OSMR: variants seen among roughly 807,000 people sequenced by gnomAD.
The protein encoded by OSMR is oncostatin M receptor.
OSMR carries 81 observed loss-of-function variants against 99.9 expected under a neutral mutation model. That is an observed-to-expected ratio of 0.81 (90% CI 0.68 to 0.97). OSMR has a LOEUF of 0.97. Ranked by LOEUF, OSMR falls within the 50% of genes least tolerant of loss-of-function variation. The probability of loss-of-function intolerance (pLI) is 0.00; values close to 1 mark genes in which losing one functional copy is unlikely to be tolerated. For synonymous variants in OSMR, 406 were observed against 410.4 expected (o/e 0.99, Z 0.13); for missense variants, 1,099 against 1,153.4 (o/e 0.95, Z 0.68).
At chr5:38,885,507 A>T (rs949213722) in intron 6 of OSMR, 23 bp downstream of exon 6, 2 of 1,613,718 alleles carry the variant, frequency 1.2e-6, no homozygotes, top group Admixed American at 1.7e-5. Flanking sequence ...TGGTTACATT[A>T]TTGACAACTT....
chr5:38,862,974 C>G (rs112805057), intron 1 of OSMR, among the ~76,000 whole-genome samples: 6 of 152,092 alleles, frequency 3.9e-5, no homozygotes, highest in African/African-American at 1.4e-4. Context: ...CCAGCCCGGC[C>G]AACACAGCGA....
rs1241312373 is a variant in OSMR, at chr5:38,942,766, T to C, written c.75-1435T>C. ...TCACCACACCCAGCTATAATCTGTA[T>C]TTTAATTCAATTCAAACACAGAATT... is the stretch of plus-strand genomic sequence containing the variant. On this transcript the variant is annotated intron_variant and NMD_transcript_variant, in intron 1 of 2. Transcript: ENST00000508882. The C allele has an allele frequency of 6.8e-6, 9 of 1,325,908 alleles. No individual in the cohort carries two copies. In the Admixed American group the frequency reaches 1.4e-4, roughly 20 times the overall value. 82.1% of individuals were successfully genotyped at this position (1,325,908 alleles called of 1,614,324 possible).
chr5:38,863,478 A>G (rs893965592), intron 1 of OSMR, among the ~76,000 whole-genome samples: 2 of 152,136 alleles, frequency 1.3e-5, no homozygotes, highest in Admixed American at 6.5e-5. Flanking sequence ...CAGAGGTTGC[A>G]GTGAGCTGAG....
chr5:38,924,674 C>T, intron 14 of OSMR, 79 bp downstream of exon 14: 2 of 1,239,456 alleles, frequency 1.6e-6, no homozygotes, highest in South Asian at 2.4e-5. Flanking sequence ...TGGCTGCCAT[C>T]TCAGACTGTG....
chr5:38,920,218 G>A (rs137989439), intron 11 of OSMR, among the ~76,000 whole-genome samples: 2 of 152,062 alleles, frequency 1.3e-5, no homozygotes, highest in Non-Finnish European at 1.5e-5. Flanking sequence ...CTGGTGAGAG[G>A]CTCCAGCTAG....
intron 7 of OSMR, among the ~76,000 whole-genome samples, chr5:38,887,209 T>C (rs985262430): frequency 6.6e-6 from 1 of 152,196 alleles, no homozygotes; most frequent in East Asian, 1.9e-4. Flanking sequence ...TCACTTTCTT[T>C]TATATGTCTA....
rs1234929204 is a variant in OSMR, at chr5:38,886,197, C to T, written c.991+7C>T. 1 of 1,614,024 alleles carries T rather than the reference C, an allele frequency of 6.2e-7. No individual in the cohort carries two copies. The highest frequency in any genetic ancestry group is 2.2e-5 in the East Asian group (1 of 44,882). On this transcript the variant is annotated splice_region_variant and intron_variant, in intron 7 of 17. Transcript: ENST00000274276. ...TTTAACCTGACTCATCGAGGTGAGA[C>T]TAGAGTTGTCACAGCCCACCGTGGC...
intron 2 of OSMR, among the ~76,000 whole-genome samples, chr5:38,870,493 A>G (rs919531747): frequency 2.0e-5 from 3 of 152,024 alleles, no homozygotes; most frequent in Admixed American, 1.3e-4. Flanking sequence ...CACCACGCCC[A>G]GCTAATTTTT....
intron 3 of OSMR, among the ~76,000 whole-genome samples, chr5:38,879,768 C>T (rs1316907988): frequency 2.6e-5 from 4 of 152,010 alleles, no homozygotes; most frequent in Middle Eastern, 3.4e-3. Context: ...GGATTACAGG[C>T]ACGCACTACC....
intron 9 of OSMR, among the ~76,000 whole-genome samples, chr5:38,905,148 C>T (rs936247536): frequency 6.6e-6 from 1 of 152,070 alleles, no homozygotes; most frequent in Non-Finnish European, 1.5e-5. Flanking sequence ...CAACTTGCAC[C>T]CATAACTGAA....
intron 1 of OSMR, among the ~76,000 whole-genome samples, chr5:38,866,517 G>A (rs1349033712): frequency 3.9e-5 from 6 of 152,134 alleles, no homozygotes; most frequent in African/African-American, 9.7e-5. Flanking sequence ...TTGTTCCCCC[G>A]GGTATAGACT....
intron 7 of OSMR, among the ~76,000 whole-genome samples, chr5:38,900,535 CAGAG>C (rs1396884166): frequency 1.3e-5 from 2 of 152,074 alleles, no homozygotes; most frequent in African/African-American, 4.8e-5. Context: ...ATCTAAATAA[CAGAG>C]AGGGAGACTC....
intron 7 of OSMR, among the ~76,000 whole-genome samples, chr5:38,890,566 G>T (rs530446193): frequency 8.6e-5 from 13 of 150,946 alleles, no homozygotes; most frequent in Admixed American, 6.6e-4. Context: ...CTAGGTTGTT[G>T]GTTGCCACAG....
At chr5:38,930,748 T>C (rs1050784277) in intron 15 of OSMR, among the ~76,000 whole-genome samples, 1 of 152,210 alleles carries the variant, frequency 6.6e-6, no homozygotes, top group Non-Finnish European at 1.5e-5. Context: ...AAATAAACTA[T>C]AGTAAACTAT....
intron 7 of OSMR, among the ~76,000 whole-genome samples, chr5:38,892,357 G>T (rs1482087583): frequency 6.6e-6 from 1 of 152,006 alleles, no homozygotes; most frequent in Non-Finnish European, 1.5e-5. Context: ...GAGTTAGTTT[G>T]GCTGGAGACC....
At chr5:38,940,101 GTA>G (rs1424680300), downstream of OSMR, 3 of 203,348 alleles carry the variant, frequency 1.5e-5, no homozygotes, top group African/African-American at 7.5e-5. Context: ...ATATGATAAG[GTA>G]TACATACATA....
chr5:38,856,316 C>T (rs73075335), intron 1 of OSMR, among the ~76,000 whole-genome samples: 3,213 of 152,284 alleles, frequency 0.021, 97 homozygotes, highest in African/African-American at 0.065. Context: ...GATTCCTGTT[C>T]TGCACGTTTT....
At chr5:38,915,069 A>G (rs1219312860) in intron 9 of OSMR, among the ~76,000 whole-genome samples, 2 of 152,228 alleles carry the variant, frequency 1.3e-5, no homozygotes, top group East Asian at 3.8e-4. Flanking sequence ...GATATGATTC[A>G]CTAAATTTGA....
At chr5:38,919,202 G>A in intron 11 of OSMR, 140 bp downstream of exon 11, 1 of 1,538,388 alleles carries the variant, frequency 6.5e-7, no homozygotes, top group African/African-American at 1.4e-5. Context: ...TTTCTTTTGG[G>A]CCAGGTGTGT....
Sources: allele counts gnomAD v4.1 joint callset (sites outside exome capture counted in the v4.1 genomes callset), GRCh38; gene constraint gnomAD v4.1.1; transcripts MANE v1.5; gene names NCBI Gene and HGNC (gene_info 2026-07-23, HGNC 2026-07-21).